The following ARHGAP35 variants were observed in gnomAD, a reference collection of about 807,000 sequenced individuals.
ARHGAP35 encodes Rho GTPase activating protein 35.
A neutral mutation model predicts 111.1 loss-of-function variants in ARHGAP35; 15 were observed. The ratio of observed to expected loss-of-function variants is 0.13; its 90% CI spans 0.09 to 0.21. The LOEUF is 0.21. ARHGAP35 is among the 10% of genes least tolerant of loss of function. The probability of loss-of-function intolerance (pLI) is 1.00; values close to 1 mark genes in which losing one functional copy is unlikely to be tolerated. For missense variants in ARHGAP35, 1,262 were observed against 1,873.0 expected (o/e 0.67, Z 6.02); for synonymous variants, 643 against 710.3 (o/e 0.91, Z 1.51).
chr19:46,870,544 A>C (rs1391003568), intron 1 of ARHGAP35, among the ~76,000 whole-genome samples: 1 of 151,794 alleles, frequency 6.6e-6, no homozygotes, highest in Admixed American at 6.6e-5. Flanking sequence ...GTGCCACTGC[A>C]CTCCAGCCTG....
intron 5 of ARHGAP35, among the ~76,000 whole-genome samples, chr19:46,991,807 T>C (rs975959191): frequency 2.6e-5 from 4 of 152,226 alleles, no homozygotes; most frequent in African/African-American, 7.2e-5. Context: ...AAGATGATTG[T>C]GCCCCAAAGT....
At position 46,993,416 on chromosome 19, in the gene ARHGAP35, G is replaced by T. The variant is rs907849937; in HGVS notation, c.4036+3741G>T. On this transcript the variant is annotated intron_variant, in intron 5 of 6. Transcript: ENST00000672722. This position sits in a 1 kb window ranked among gnomAD's most constrained non-coding sequence, Gnocchi z 4.6. ...CTTGGTTGGCAGCCTGGCTGCCAGT[G>T]ATGGCAAGTGGCGCAGCACAGCCAG... Among the ~76,000 whole-genome samples the T allele has an allele frequency of 6.6e-6, 1 of 152,264 alleles. No individual in the cohort carries two copies. The highest frequency in any genetic ancestry group is 2.4e-5 in the African/African-American group (1 of 41,474).
At chr19:46,872,070 A>C (rs1035113447) in intron 1 of ARHGAP35, among the ~76,000 whole-genome samples, 5 of 152,182 alleles carry the variant, frequency 3.3e-5, no homozygotes, top group African/African-American at 1.2e-4. Context: ...TATGTTAACT[A>C]TATGAATGTT....
Position 47,004,891 on chromosome 19 carries a change from A to C in ARHGAP35, c.*4203A>C, listed in dbSNP as rs898959500. On this transcript the variant is annotated 3_prime_UTR_variant, in exon 7 of 7. Coordinates refer to ENST00000672722, the MANE Select transcript of ARHGAP35 (RefSeq NM_004491.5). Reference sequence around the variant, plus strand: ...GGTTTTTTGAGGCTCCAACCTGATTAGTGCATGGTCAGCCCTCAATGAAGG... The same window carrying C: ...GGTTTTTTGAGGCTCCAACCTGATTCGTGCATGGTCAGCCCTCAATGAAGG... 6.6e-6 allele frequency: 1 copy of C among 152,218 alleles called. No individual in the cohort carries two copies. The highest frequency in any genetic ancestry group is 1.5e-5 in the Non-Finnish European group (1 of 68,048). 9.4% of individuals were successfully genotyped at this position (152,218 alleles called of 1,614,324 possible).
chr19:46,895,551 C>T (rs901858783), intron 1 of ARHGAP35, among the ~76,000 whole-genome samples: 4 of 152,192 alleles, frequency 2.6e-5, no homozygotes, highest in Admixed American at 6.5e-5. Context: ...ATTTAATGCT[C>T]AGGCAAGTAA....
chr19:46,936,909 G>A (rs2056311889), intron 2 of ARHGAP35, among the ~76,000 whole-genome samples: 1 of 140,458 alleles, frequency 7.1e-6, no homozygotes, highest in South Asian at 2.3e-4. Context: ...GCGCAATCTC[G>A]GCTCACCTCA....
chr19:46,865,864 G>T (rs1474738624), intron 1 of ARHGAP35, among the ~76,000 whole-genome samples: 1 of 152,076 alleles, frequency 6.6e-6, no homozygotes, highest in Non-Finnish European at 1.5e-5. Context: ...TTTTGAGATG[G>T]AGTTTCCCTC....
At chr19:46,952,475 G>T (rs1264691858) in intron 3 of ARHGAP35, among the ~76,000 whole-genome samples, 1 of 152,178 alleles carries the variant, frequency 6.6e-6, no homozygotes, top group Non-Finnish European at 1.5e-5. Context: ...CATTTAAGAA[G>T]TCAGTAATTC....
At position 46,945,558 on chromosome 19, in the gene ARHGAP35, C is replaced by G. The variant is rs1038076884; in HGVS notation, c.3826+8150C>G. 8.6e-5 allele frequency among the ~76,000 whole-genome samples: 13 copies of G among 151,942 alleles called. No individual in the cohort carries two copies. Among genetic ancestry groups the G allele is most frequent in the Non-Finnish European group, 1.3e-4 (9 of 67,942 alleles). On this transcript the variant is annotated intron_variant, in intron 3 of 6. Coordinates refer to ENST00000672722, the MANE Select transcript of ARHGAP35 (RefSeq NM_004491.5). The surrounding 1 kb of genome is among the most constrained non-coding windows in gnomAD (Gnocchi z 4.1). ...GTCTCAGGGCCAAATTTGAGTCAAG[C>G]CTTCCTAGGATTCAAGAAATCTGAC...
rs2056748827 is a variant in ARHGAP35 at position 47,001,597 on chromosome 19, A to G, written c.*909A>G. 2.6e-6 allele frequency: 1 copy of G among 378,422 alleles called. No homozygotes were observed. Among genetic ancestry groups the G allele is most frequent in the Non-Finnish European group, 5.0e-6 (1 of 201,346 alleles). The allele number at this position is 378,422 out of a possible 1,614,324, so 23.4% of individuals were successfully genotyped here. ...TCACCCACTTAGGTCTAGTCGCTAG[A>G]TCCCCCGTTTTCCCAAGAAGAGGGT... is the stretch of plus-strand genomic sequence containing the variant. On this transcript the variant is annotated 3_prime_UTR_variant, in exon 7 of 7. Coordinates refer to ENST00000672722, the MANE Select transcript of ARHGAP35 (RefSeq NM_004491.5). The surrounding 1 kb of genome is among the most constrained non-coding windows in gnomAD (Gnocchi z 5.4).
chr19:46,931,602 C>A (rs2056273330), intron 2 of ARHGAP35, among the ~76,000 whole-genome samples: 1 of 152,170 alleles, frequency 6.6e-6, no homozygotes. Context: ...AATATCAAGA[C>A]CAAAAATCAG....
At position 46,923,531 on chromosome 19, in the gene ARHGAP35, ACTTTTT is replaced by A. The variant is rs570559808; in HGVS notation, c.3681+1188_3681+1193del. On this transcript the variant is annotated intron_variant, in intron 2 of 6. Coordinates refer to ENST00000672722, the MANE Select transcript of ARHGAP35 (RefSeq NM_004491.5). ...TTTGAGAAAGAAAAAGCGTTTCTCAACTTTTTCTTTTTCTTTTTTTTTTCCATTTGG... is the reference window on the plus strand; with the variant it reads ...TTTGAGAAAGAAAAAGCGTTTCTCAACTTTTTCTTTTTTTTTTCCATTTGG... Among the ~76,000 whole-genome samples the A allele has an allele frequency of 4.3e-3, 642 of 150,934 alleles. 2 individuals are homozygous for A. The highest frequency in any genetic ancestry group is 6.8e-3 in the Non-Finnish European group (460 of 67,770).
rs1245703015 is a variant in ARHGAP35, at chr19:46,901,114, G to T, written c.-188-17374G>T. ...GTGCCTGGCACAGTAGTAGGTGCTT[G>T]CTCAGTAATTTTCATTGAATGATTG... On this transcript the variant is annotated intron_variant, in intron 1 of 6. Coordinates refer to ENST00000672722, the MANE Select transcript of ARHGAP35 (RefSeq NM_004491.5). This position sits in a 1 kb window ranked among gnomAD's most constrained non-coding sequence, Gnocchi z 4.5. 6.6e-6 allele frequency among the ~76,000 whole-genome samples: 1 copy of T among 152,206 alleles called. No homozygotes were observed. Among genetic ancestry groups the T allele is most frequent in the Non-Finnish European group, 1.5e-5 (1 of 68,038 alleles).
At chr19:46,871,198 C>A (rs1372118268) in intron 1 of ARHGAP35, among the ~76,000 whole-genome samples, 1 of 152,060 alleles carries the variant, frequency 6.6e-6, no homozygotes, top group African/African-American at 2.4e-5. Context: ...GTTGTTAATT[C>A]CAGATTATTT....
Position 46,999,431 on chromosome 19 carries a change from T to C in ARHGAP35, c.4142+22T>C. 8 of 1,517,134 alleles carry C rather than the reference T, an allele frequency of 5.3e-6. No individual in the cohort carries two copies. Among genetic ancestry groups the C allele is most frequent in the Non-Finnish European group, 7.2e-6 (8 of 1,113,848 alleles). The allele number at this position is 1,517,134 out of a possible 1,614,324, so 94.0% of individuals were successfully genotyped here. On this transcript the variant is annotated intron_variant, in intron 6 of 6. Coordinates refer to ENST00000672722, the MANE Select transcript of ARHGAP35 (RefSeq NM_004491.5). This position sits in a 1 kb window ranked among gnomAD's most constrained non-coding sequence, Gnocchi z 5.4. ...ACAAGTAAGTCGCAGGGCCTTCTGG[T>C]TGGTTTTTCCTCCTGAAAATTGACA...
chr19:46,982,095 G>A lies in ARHGAP35; in HGVS notation c.3827-5894G>A, dbSNP rs972774732. Among the ~76,000 whole-genome samples, 8 of 152,108 alleles carry A rather than the reference G, an allele frequency of 5.3e-5. No individual in the cohort carries two copies. The East Asian group carries it at 9.7e-4, about 18-fold the overall frequency. ...CGAACTGGGCTCAAGCAATCCTCCC[G>A]CCTTGGCCTCCCAAAGTGCTGGGAT... On this transcript the variant is annotated intron_variant, in intron 3 of 6. Coordinates refer to ENST00000672722, the MANE Select transcript of ARHGAP35 (RefSeq NM_004491.5).
chr19:46,972,623 T>C (rs538575441), intron 3 of ARHGAP35, among the ~76,000 whole-genome samples: 1 of 152,214 alleles, frequency 6.6e-6, no homozygotes, highest in African/African-American at 2.4e-5. Flanking sequence ...GATTGAAAAA[T>C]GAAGACAAAA....
chr19:46,956,468 G>A (rs2056439830), intron 3 of ARHGAP35, among the ~76,000 whole-genome samples: 1 of 145,946 alleles, frequency 6.9e-6, no homozygotes, highest in African/African-American at 2.6e-5. Flanking sequence ...CACCCAGGCT[G>A]GAGTGCAATG....
At chr19:46,891,239 G>T (rs957359796) in intron 1 of ARHGAP35, among the ~76,000 whole-genome samples, 1 of 152,158 alleles carries the variant, frequency 6.6e-6, no homozygotes, top group African/African-American at 2.4e-5. Context: ...TTACTAGCAG[G>T]TGAGGATTAT....
Sources: gnomAD v4.1 joint callset for allele counts (sites outside exome capture counted in the v4.1 genomes callset) on GRCh38, gnomAD v4.1.1 for gene constraint, Gnocchi (gnomAD v3.1) non-coding constraint, MANE v1.5 for transcripts, NCBI Gene and HGNC (gene_info 2026-07-23, HGNC 2026-07-21) for gene names.